The following ZDHHC14 variants were observed in gnomAD, a reference collection of about 807,000 sequenced individuals.
The protein encoded by ZDHHC14 is palmitoyltransferase ZDHHC14.
In ZDHHC14, 16 loss-of-function variants were observed where a neutral mutation model predicts 47.7. The observed-to-expected ratio is 0.34, with a 90% CI of 0.23 to 0.51. ZDHHC14 has a LOEUF of 0.51. ZDHHC14 is among the 20% of genes least tolerant of loss of function. The probability of loss-of-function intolerance (pLI) is 0.97; values close to 1 mark genes in which losing one functional copy is unlikely to be tolerated. For missense variants in ZDHHC14, 515 were observed against 662.5 expected (o/e 0.78, Z 2.44); for synonymous variants, 293 against 278.9 (o/e 1.05, Z -0.50).
At chr6:157,417,473 T>A (rs1324238483) in intron 1 of ZDHHC14, among the ~76,000 whole-genome samples, 1 of 152,214 alleles carries the variant, frequency 6.6e-6, no homozygotes, top group Non-Finnish European at 1.5e-5. Context: ...CATTCTGTAA[T>A]ATGGATGGAC....
intron 1 of ZDHHC14, among the ~76,000 whole-genome samples, chr6:157,524,500 G>A (rs191855466): frequency 7.9e-5 from 12 of 152,212 alleles, no homozygotes; most frequent in Non-Finnish European, 1.3e-4. Flanking sequence ...GTCTCTCTGT[G>A]GCATGTGGTT....
intron 8 of ZDHHC14, among the ~76,000 whole-genome samples, chr6:157,655,558 C>T (rs1395174754): frequency 3.3e-5 from 5 of 152,228 alleles, no homozygotes; most frequent in Non-Finnish European, 7.3e-5. Flanking sequence ...CCGCAGCATA[C>T]GTTGATCGTT....
chr6:157,627,715 G>A (rs1785494283), intron 3 of ZDHHC14, among the ~76,000 whole-genome samples: 2 of 152,218 alleles, frequency 1.3e-5, no homozygotes, highest in South Asian at 4.1e-4. Context: ...GAGCTGAATG[G>A]CCCCGTGCAG....
intron 1 of ZDHHC14, among the ~76,000 whole-genome samples, chr6:157,408,847 G>A (rs953184852): frequency 1.3e-5 from 2 of 152,146 alleles, no homozygotes; most frequent in Non-Finnish European, 2.9e-5. Flanking sequence ...GGGTCAAATG[G>A]TATTTCTGCT....
At chr6:157,615,552 A>G (rs1276426138) in intron 3 of ZDHHC14, among the ~76,000 whole-genome samples, 1 of 152,178 alleles carries the variant, frequency 6.6e-6, no homozygotes, top group Non-Finnish European at 1.5e-5. Context: ...TTTGAGTTGG[A>G]AATAACCTTT....
At chr6:157,599,345 G>GC (rs1304277942) in intron 3 of ZDHHC14, among the ~76,000 whole-genome samples, 1 of 152,202 alleles carries the variant, frequency 6.6e-6, no homozygotes, top group Non-Finnish European at 1.5e-5. Context: ...TAGGACGTTT[G>GC]CGGCACCACC....
In ZDHHC14 at chr6:157,394,883, G is replaced by A. The variant is rs922239675; in HGVS notation, c.245+12617G>A. ...TGACCAACAACACTAAAGTTACAGG[G>A]CTGAAGTTTGAGAATTTTAAAAAAA... On this transcript the variant is annotated intron_variant, in intron 1 of 8. Coordinates refer to ENST00000359775, the MANE Select transcript of ZDHHC14 (RefSeq NM_024630.3). Among the ~76,000 whole-genome samples, 6 of 151,988 alleles carry A rather than the reference G, an allele frequency of 3.9e-5. 1 individual carries two copies. The highest frequency in any genetic ancestry group is 8.8e-5 in the Non-Finnish European group (6 of 68,012).
At chr6:157,559,352 C>T (rs566147726) in intron 2 of ZDHHC14, among the ~76,000 whole-genome samples, 4 of 152,218 alleles carry the variant, frequency 2.6e-5, no homozygotes, top group African/African-American at 9.7e-5. Flanking sequence ...TCCTGGCTGA[C>T]GCGCTCTTCT....
rs146783874 is a variant in ZDHHC14 at position 157,450,184 on chromosome 6, C to T, written c.245+67918C>T. 3.9e-3 allele frequency among the ~76,000 whole-genome samples: 587 copies of T among 152,034 alleles called. 4 individuals carry two copies. The highest frequency in any genetic ancestry group is 0.027 in the Middle Eastern group (8 of 294). The stretch of plus-strand genomic sequence containing the variant: ...AAAGGGGCACATTTATGGTATTTCT[C>T]AAGCCAGACTAGTATGCAGATTTCT... On this transcript the variant is annotated intron_variant, in intron 1 of 8. Transcript: ENST00000359775.
chr6:157,549,539 G>A (rs906993320), intron 2 of ZDHHC14, among the ~76,000 whole-genome samples: 5 of 152,162 alleles, frequency 3.3e-5, no homozygotes, highest in Non-Finnish European at 7.3e-5. Flanking sequence ...CCTTGTCTGG[G>A]GGAAGTGCCA....
chr6:157,555,848 C>G (rs577101451), intron 2 of ZDHHC14, among the ~76,000 whole-genome samples: 34 of 152,242 alleles, frequency 2.2e-4, no homozygotes, highest in African/African-American at 8.2e-4. Context: ...GCCAAATGTC[C>G]CCTTGGGCAC....
intron 2 of ZDHHC14, among the ~76,000 whole-genome samples, chr6:157,546,569 C>G (rs767370521): frequency 6.6e-6 from 1 of 152,054 alleles, no homozygotes; most frequent in Non-Finnish European, 1.5e-5. Flanking sequence ...AGAATGTTCC[C>G]GATGACTTAG....
intron 1 of ZDHHC14, among the ~76,000 whole-genome samples, chr6:157,434,217 T>TA (rs1273039496): frequency 1.2e-4 from 17 of 144,264 alleles, no homozygotes; most frequent in African/African-American, 3.1e-4. Context: ...AGCTTATAAT[T>TA]TTATATATAT....
intron 7 of ZDHHC14, among the ~76,000 whole-genome samples, chr6:157,648,041 C>T (rs374636419): frequency 2.1e-4 from 32 of 152,142 alleles, no homozygotes; most frequent in East Asian, 1.7e-3. Context: ...AAGTAAATGC[C>T]GGCTAGTCAG....
chr6:157,537,207 G>A (rs1049150805), intron 1 of ZDHHC14, among the ~76,000 whole-genome samples: 8 of 152,086 alleles, frequency 5.3e-5, no homozygotes, highest in African/African-American at 9.7e-5. Context: ...ATAATATAGC[G>A]CCCAGAAAAC....
At chr6:157,596,907 C>A (rs1784156100) in intron 3 of ZDHHC14, among the ~76,000 whole-genome samples, 1 of 152,308 alleles carries the variant, frequency 6.6e-6, no homozygotes, top group East Asian at 1.9e-4. Flanking sequence ...AGCGTCTTCA[C>A]AAAGTAGTAG....
intron 1 of ZDHHC14, among the ~76,000 whole-genome samples, chr6:157,454,601 A>G: frequency 6.6e-6 from 1 of 151,514 alleles, no homozygotes. Flanking sequence ...CCTTGGCTCA[A>G]GTGATTCTCC....
intron 3 of ZDHHC14, among the ~76,000 whole-genome samples, chr6:157,599,376 G>A (rs1784255253): frequency 6.6e-6 from 1 of 152,200 alleles, no homozygotes; most frequent in South Asian, 2.1e-4. Flanking sequence ...CTCTGCTGCA[G>A]CTCTCGACGA....
chr6:157,483,331 A>C (rs984050941), intron 1 of ZDHHC14, among the ~76,000 whole-genome samples: 1 of 152,176 alleles, frequency 6.6e-6, no homozygotes, highest in Non-Finnish European at 1.5e-5. Flanking sequence ...TGTTTTTTGC[A>C]AAAGATTGTT....
Sources: allele counts gnomAD v4.1 joint callset (sites outside exome capture counted in the v4.1 genomes callset), GRCh38; gene constraint gnomAD v4.1.1; transcripts MANE v1.5; gene names NCBI Gene and HGNC (gene_info 2026-07-23, HGNC 2026-07-21).